GPHN: variants seen among roughly 807,000 people sequenced by gnomAD.
The protein encoded by GPHN is gephyrin.
A neutral mutation model predicts 95.5 loss-of-function variants in GPHN; 17 were observed. The ratio of observed to expected loss-of-function variants is 0.18; its 90% CI spans 0.12 to 0.27. GPHN has a LOEUF of 0.27. Among genes scored for constraint, GPHN ranks in the 10% least tolerant of loss-of-function variants. The pLI, the probability that GPHN is intolerant of heterozygous loss-of-function variation, is 1.00. For synonymous variants in GPHN, 320 were observed against 322.5 expected (o/e 0.99, Z 0.08); for missense variants, 660 against 978.1 (o/e 0.67, Z 4.34).
intron 11 of GPHN, among the ~76,000 whole-genome samples, chr14:67,075,292 T>C (rs1371532321): frequency 6.6e-6 from 1 of 152,190 alleles, no homozygotes. Context: ...GTTTACTGAT[T>C]ATGTTAAGTC....
chr14:66,621,368 G>A (rs1360389234), intron 1 of GPHN, among the ~76,000 whole-genome samples: 1 of 149,694 alleles, frequency 6.7e-6, no homozygotes, highest in Non-Finnish European at 1.5e-5. Context: ...ACCTGCCTCG[G>A]CCTCCCAAAG....
At chr14:66,958,414 A>C (rs993230532) in intron 8 of GPHN, among the ~76,000 whole-genome samples, 2 of 152,080 alleles carry the variant, frequency 1.3e-5, no homozygotes, top group Admixed American at 1.3e-4. Context: ...AGACAATCAT[A>C]CTCCACTTAA....
the GPHN span, among the ~76,000 whole-genome samples, chr14:67,544,553 C>T: frequency 6.6e-6 from 1 of 152,196 alleles, no homozygotes; most frequent in Non-Finnish European, 1.5e-5. Flanking sequence ...AGATCCCCAA[C>T]AACTTCTAAT....
At chr14:67,155,225 C>T (rs906407908) in intron 18 of GPHN, among the ~76,000 whole-genome samples, 6 of 152,194 alleles carry the variant, frequency 3.9e-5, no homozygotes, top group Non-Finnish European at 7.4e-5. Flanking sequence ...AGCCTTCACA[C>T]GGACTGAAAT....
the GPHN span, among the ~76,000 whole-genome samples, chr14:67,300,475 A>G: frequency 6.6e-6 from 1 of 151,960 alleles, no homozygotes; most frequent in Non-Finnish European, 1.5e-5. Context: ...TTACAGGCAC[A>G]CGCCACCACG....
chr14:66,659,442 C>A (rs2065505277), intron 1 of GPHN, among the ~76,000 whole-genome samples: 4 of 151,802 alleles, frequency 2.6e-5, no homozygotes, highest in African/African-American at 7.3e-5. Context: ...TCAGTTATGT[C>A]CTGGTGGTTG....
At chr14:67,424,597 TAAAAAAA>T in the GPHN span, among the ~76,000 whole-genome samples, 1 of 124,898 alleles carries the variant, frequency 8.0e-6, no homozygotes, top group East Asian at 2.3e-4. Context: ...AGACGCTGTT[TAAAAAAA>T]AAAAAAAAAA....
intron 1 of GPHN, among the ~76,000 whole-genome samples, chr14:66,672,912 G>A (rs1025158895): frequency 3.3e-5 from 5 of 151,834 alleles, no homozygotes; most frequent in African/African-American, 7.3e-5. Flanking sequence ...ATTCAACATC[G>A]TTATTGATGT....
intron 9 of GPHN, among the ~76,000 whole-genome samples, chr14:66,993,525 A>G (rs1465283739): frequency 6.6e-6 from 1 of 152,190 alleles, no homozygotes; most frequent in Non-Finnish European, 1.5e-5. Flanking sequence ...GATTTTTGCT[A>G]AATGCCCTGT....
intron 1 of GPHN, among the ~76,000 whole-genome samples, chr14:66,618,252 G>A (rs1402751928): frequency 1.3e-5 from 2 of 152,012 alleles, no homozygotes; most frequent in African/African-American, 2.4e-5. Flanking sequence ...TTATTTATTG[G>A]CTACTTTTAT....
chr14:67,502,111 T>C, the GPHN span, among the ~76,000 whole-genome samples: 1 of 152,234 alleles, frequency 6.6e-6, no homozygotes, highest in Non-Finnish European at 1.5e-5. Context: ...GGTGGGTGGA[T>C]CACCTGAGGT....
chr14:67,283,569 A>C, the GPHN span, among the ~76,000 whole-genome samples: 2 of 152,210 alleles, frequency 1.3e-5, no homozygotes, highest in African/African-American at 4.8e-5. Flanking sequence ...GATATTTCCA[A>C]ATAAATGTTA....
At position 66,910,928 on chromosome 14, in the gene GPHN, A is replaced by G. The variant is rs114971462; in HGVS notation, c.390-5075A>G. ...TAATATTGTGCAGCATTGAAAATGAACTATAGCTATGCATATCAGCATGGA... is the reference window on the plus strand; with the variant it reads ...TAATATTGTGCAGCATTGAAAATGAGCTATAGCTATGCATATCAGCATGGA... On this transcript the variant is annotated intron_variant, in intron 5 of 22. Coordinates refer to ENST00000478722, the MANE Select transcript of GPHN (RefSeq NM_020806.5). 5.3e-3 allele frequency among the ~76,000 whole-genome samples: 813 copies of G among 152,156 alleles called. 2 individuals carry two copies. Among genetic ancestry groups the G allele is most frequent in the African/African-American group, 0.019 (775 of 41,550 alleles).
the GPHN span, among the ~76,000 whole-genome samples, chr14:67,345,073 CT>C: frequency 1.3e-5 from 2 of 151,856 alleles, no homozygotes; most frequent in Non-Finnish European, 2.9e-5. Flanking sequence ...GAAACCCCAC[CT>C]CTACAAAAAA....
At chr14:66,982,417 A>C (rs756478821) in intron 9 of GPHN, among the ~76,000 whole-genome samples, 1 of 152,202 alleles carries the variant, frequency 6.6e-6, no homozygotes, top group Non-Finnish European at 1.5e-5. Context: ...CTGGTAATTA[A>C]TCACTGAGGA....
chr14:66,691,521 A>C (rs1348077875), intron 2 of GPHN, among the ~76,000 whole-genome samples: 2 of 152,202 alleles, frequency 1.3e-5, no homozygotes, highest in Non-Finnish European at 2.9e-5. Context: ...ATTTTTAATG[A>C]ATATTTTATA....
At chr14:67,315,672 T>A in the GPHN span, among the ~76,000 whole-genome samples, 4 of 152,200 alleles carry the variant, frequency 2.6e-5, no homozygotes, top group African/African-American at 9.6e-5. Context: ...ATGCCCCTAA[T>A]CCTGGCACTT....
intron 2 of GPHN, among the ~76,000 whole-genome samples, chr14:66,739,819 A>G (rs2072640412): frequency 6.6e-6 from 1 of 152,166 alleles, no homozygotes; most frequent in South Asian, 2.1e-4. Context: ...GATATAGAGT[A>G]AAAAACAACT....
chr14:66,534,458 A>T (rs974373344), intron 1 of GPHN, among the ~76,000 whole-genome samples: 1 of 152,076 alleles, frequency 6.6e-6, no homozygotes, highest in African/African-American at 2.4e-5. Flanking sequence ...TTTTATTGCT[A>T]TGTAGTGTTT....
Sources: gnomAD v4.1 joint callset for allele counts (sites outside exome capture counted in the v4.1 genomes callset) on GRCh38, gnomAD v4.1.1 for gene constraint, MANE v1.5 for transcripts, NCBI Gene and HGNC (gene_info 2026-07-23, HGNC 2026-07-21) for gene names.